CCDC171: variants seen among roughly 807,000 people sequenced by gnomAD.
CCDC171 encodes the protein coiled-coil domain containing 171.
A neutral mutation model predicts 168.2 loss-of-function variants in CCDC171; 177 were observed. The observed-to-expected ratio is 1.05, with a 90% CI of 0.93 to 1.19. CCDC171 has a LOEUF of 1.19. Ranked by LOEUF, CCDC171 falls within the 50% of genes most tolerant of loss-of-function variation. The pLI, the probability that CCDC171 is intolerant of heterozygous loss-of-function variation, is 0.00. For missense variants in CCDC171, 1,991 were observed against 1,539.0 expected, an observed-to-expected ratio of 1.29 and a Z score of -4.91; for synonymous variants, 687 against 540.8, an observed-to-expected ratio of 1.27 and a Z score of -3.75.
intron 4 of CCDC171, chr9:15,587,490 A>G: frequency 2.7e-6 from 1 of 364,546 alleles, no homozygotes; most frequent in Non-Finnish European, 5.5e-6. Context: ...GCCATGTGAA[A>G]CTGTAAGTCC....
At chr9:15,658,463 C>T (rs1417045054) in intron 8 of CCDC171, among the ~76,000 whole-genome samples, 1 of 152,198 alleles carries the variant, frequency 6.6e-6, no homozygotes, top group Non-Finnish European at 1.5e-5. Flanking sequence ...GGCAGAATAA[C>T]AGTCCCTCAA....
At chr9:15,717,006 A>G (rs1387230793) in intron 11 of CCDC171, among the ~76,000 whole-genome samples, 1 of 152,204 alleles carries the variant, frequency 6.6e-6, no homozygotes, top group Non-Finnish European at 1.5e-5. Flanking sequence ...AGGCAAAAAA[A>G]ACCACCTTCA....
chr9:15,768,363 C>T (rs1357028661), intron 18 of CCDC171, among the ~76,000 whole-genome samples: 2 of 152,130 alleles, frequency 1.3e-5, no homozygotes, highest in Non-Finnish European at 2.9e-5. Flanking sequence ...CTCTTATTCT[C>T]CATATTCTAC....
intron 1 of CCDC171, among the ~76,000 whole-genome samples, chr9:16,050,293 T>C (rs1833730462): frequency 6.6e-6 from 1 of 152,256 alleles, no homozygotes; most frequent in Non-Finnish European, 1.5e-5. Context: ...AGGCTAATTA[T>C]TACTGGTGCT....
At chr9:15,797,974 G>A (rs2058641665) in intron 21 of CCDC171, among the ~76,000 whole-genome samples, 1 of 152,016 alleles carries the variant, frequency 6.6e-6, no homozygotes, top group South Asian at 2.1e-4. Context: ...CTTTATTACT[G>A]GACTCTGTCT....
intron 21 of CCDC171, among the ~76,000 whole-genome samples, chr9:15,808,856 G>T (rs1303268161): frequency 1.7e-5 from 2 of 119,328 alleles, no homozygotes; most frequent in South Asian, 3.0e-4. Flanking sequence ...ATAAACAGCA[G>T]AAATTTTTCT....
rs532080139 is a variant in CCDC171 at position 15,971,931 on chromosome 9, A to G, written c.*95A>G. ...TATCAGTTGACTTTTGTTTCAGCAG[A>G]AGTGGCAGTGGATTTAAAAAATTTG... On this transcript the variant is annotated 3_prime_UTR_variant, in exon 26 of 26. Transcript: ENST00000380701. 2.5e-5 allele frequency: 27 copies of G among 1,085,646 alleles called. No individual in the cohort carries two copies. In the East Asian group the frequency reaches 5.5e-4, roughly 22 times the overall value. The allele number at this position is 1,085,646 out of a possible 1,614,324, so 67.3% of individuals were successfully genotyped here.
At chr9:15,573,106 G>A (rs1163695746) in intron 3 of CCDC171, among the ~76,000 whole-genome samples, 1 of 152,154 alleles carries the variant, frequency 6.6e-6, no homozygotes, top group Admixed American at 6.5e-5. Flanking sequence ...GTTGCAGTGA[G>A]CTGAGATCGT....
the CCDC171 span, among the ~76,000 whole-genome samples, chr9:16,108,225 C>T: frequency 2.0e-5 from 3 of 152,154 alleles, no homozygotes; most frequent in Non-Finnish European, 2.9e-5. Flanking sequence ...GTTGAGCTTT[C>T]CAGTCATTTG....
downstream of CCDC171, among the ~76,000 whole-genome samples, chr9:16,062,921 G>T (rs911732416): frequency 3.9e-5 from 6 of 152,200 alleles, no homozygotes; most frequent in African/African-American, 1.4e-4. Flanking sequence ...CATGTGCTCG[G>T]TGTAGCTCTT....
At chr9:15,825,769 C>G (rs963687402) in intron 21 of CCDC171, among the ~76,000 whole-genome samples, 3 of 152,078 alleles carry the variant, frequency 2.0e-5, no homozygotes, top group African/African-American at 7.2e-5. Context: ...TAATCTGCAG[C>G]TATTAGCAGC....
intron 11 of CCDC171, among the ~76,000 whole-genome samples, chr9:15,696,522 T>G (rs530893912): frequency 1.3e-5 from 2 of 152,332 alleles, no homozygotes; most frequent in African/African-American, 2.4e-5. Context: ...CAGTTTCAAT[T>G]ATATTTGTTA....
chr9:15,925,782 G>C (rs930162511), intron 25 of CCDC171, among the ~76,000 whole-genome samples: 1 of 151,640 alleles, frequency 6.6e-6, no homozygotes, highest in Non-Finnish European at 1.5e-5. Context: ...AATATCCACT[G>C]ACATAGATGG....
intron 25 of CCDC171, among the ~76,000 whole-genome samples, chr9:15,931,461 T>C (rs1261529035): frequency 7.1e-5 from 10 of 140,520 alleles, no homozygotes; most frequent in Non-Finnish European, 1.5e-4. Context: ...TCTTTCTTTT[T>C]TTTTTTTTTT....
chr9:15,559,543 T>G (rs911231249), intron 1 of CCDC171, among the ~76,000 whole-genome samples: 2 of 152,146 alleles, frequency 1.3e-5, no homozygotes, highest in Admixed American at 6.5e-5. Flanking sequence ...TATCAGAGAT[T>G]AGGATTGCAA....
At chr9:15,778,071 G>A (rs1256294444) in intron 19 of CCDC171, among the ~76,000 whole-genome samples, 1 of 151,522 alleles carries the variant, frequency 6.6e-6, no homozygotes, top group Non-Finnish European at 1.5e-5. Context: ...GCCGAGGCGG[G>A]TGGATCATGA....
intron 21 of CCDC171, 145 bp downstream of exon 21, chr9:15,784,839 A>C: frequency 1.7e-6 from 1 of 592,548 alleles, no homozygotes; most frequent in Non-Finnish European, 2.8e-6. Context: ...TGTTTCTGAG[A>C]CCTCAGTTAT....
chr9:15,575,121 T>G (rs2040537690), intron 3 of CCDC171, among the ~76,000 whole-genome samples: 1 of 150,858 alleles, frequency 6.6e-6, no homozygotes, highest in African/African-American at 2.4e-5. Flanking sequence ...CCAGATAAAT[T>G]AGAAAGAGAG....
chr9:15,594,482 A>G (rs2131522953), intron 6 of CCDC171, among the ~76,000 whole-genome samples: 2 of 152,306 alleles, frequency 1.3e-5, no homozygotes, highest in South Asian at 2.1e-4. Flanking sequence ...GGACAAAGAA[A>G]TAGAATAATA....
Sources: gnomAD v4.1 joint callset for allele counts (sites outside exome capture counted in the v4.1 genomes callset) on GRCh38, gnomAD v4.1.1 for gene constraint, MANE v1.5 for transcripts, NCBI Gene and HGNC (gene_info 2026-07-23, HGNC 2026-07-21) for gene names.